Variants in RAB21 observed in about 807,000 individuals in gnomAD.
The protein encoded by RAB21 is RAB21, member RAS oncogene family.
Under a neutral mutation model 33.1 loss-of-function variants are expected in RAB21, and 13 were observed. That is an observed-to-expected ratio of 0.39 (90% CI 0.26 to 0.62). The LOEUF (loss-of-function observed/expected upper bound fraction) is 0.62, where lower values mean the gene tolerates loss of function less well. RAB21 is among the 20% of genes least tolerant of loss of function. The pLI is 0.48. For synonymous variants in RAB21, 91 were observed against 103.7 expected (o/e 0.88, Z 0.74); for missense variants, 234 against 279.1 (o/e 0.84, Z 1.15).
intron 6 of RAB21, among the ~76,000 whole-genome samples, chr12:71,784,187 C>G (rs1883245781): frequency 6.6e-6 from 1 of 152,124 alleles, no homozygotes; most frequent in African/African-American, 2.4e-5. Context: ...TAAGGACACC[C>G]TCTTTTCTTC....
intron 4 of RAB21, among the ~76,000 whole-genome samples, chr12:71,780,393 G>A (rs971371929): frequency 2.0e-5 from 3 of 152,194 alleles, no homozygotes; most frequent in African/African-American, 4.8e-5. Flanking sequence ...GTTTGTTGGA[G>A]CCACTGGCCA....
At chr12:71,763,110 C>T (rs1160385166) in intron 1 of RAB21, among the ~76,000 whole-genome samples, 1 of 150,632 alleles carries the variant, frequency 6.6e-6, no homozygotes, top group African/African-American at 2.5e-5. Flanking sequence ...CGCACACACA[C>T]ACACACACAC....
At position 71,754,989 on chromosome 12, in the gene RAB21, C is replaced by A; in HGVS notation, c.-141C>A. On this transcript the variant is annotated 5_prime_UTR_variant, in exon 1 of 7. Transcript: ENST00000261263. ...TTTCCCTCAGCCCTTCCAGGCCTCG[C>A]CCGAGGAGGGCGTGGGGACAGCGCC... is the stretch of plus-strand genomic sequence containing the variant. 1 of 812,694 alleles carries A rather than the reference C, an allele frequency of 1.2e-6. No homozygotes were observed. The highest frequency in any genetic ancestry group is 1.5e-6 in the Non-Finnish European group (1 of 668,452). The allele number at this position is 812,694 out of a possible 1,614,324, so 50.3% of individuals were successfully genotyped here.
intron 1 of RAB21, among the ~76,000 whole-genome samples, chr12:71,761,455 G>GT (rs1441602522): frequency 6.6e-6 from 1 of 152,152 alleles, no homozygotes; most frequent in East Asian, 1.9e-4. Context: ...GAGGTGGGTG[G>GT]ATCACCTGAG....
In RAB21 at chr12:71,794,423, ATATATTTTTTTTTTTTT is replaced by A. The variant is rs1883434288; in HGVS notation, c.*8752_*8768del. 1.8e-5 allele frequency: 1 copy of A among 56,590 alleles called. No individual in the cohort carries two copies. The highest frequency in any genetic ancestry group is 9.4e-5 in the African/African-American group (1 of 10,682). The allele number at this position is 56,590 out of a possible 1,614,324, so 3.5% of individuals were successfully genotyped here. A position where few individuals can be genotyped will look rare whatever the true frequency, so the allele number is the denominator to read the frequency against. On this transcript the variant is annotated 3_prime_UTR_variant, in exon 7 of 7. Coordinates refer to ENST00000261263, the MANE Select transcript of RAB21 (RefSeq NM_014999.4). ...ATATATATTATATATATATATATAT[ATATATTTTTTTTTTTTT>A]TTTTTTTTTTTTTTTTGAGACGGAG...
rs1325182307 is a variant in RAB21 at position 71,791,290 on chromosome 12, T to A, written c.*5617T>A. 2.6e-5 allele frequency: 4 copies of A among 152,164 alleles called. No individual in the cohort carries two copies. In the East Asian group the frequency reaches 7.7e-4, roughly 29 times the overall value. 9.4% of individuals were successfully genotyped at this position (152,164 alleles called of 1,614,324 possible). The stretch of plus-strand genomic sequence containing the variant: ...TACAGATGTGAGCCACTAGGCCCAG[T>A]CAGTATCATAGAATTTAAATGCAAG... On this transcript the variant is annotated 3_prime_UTR_variant, in exon 7 of 7. Coordinates refer to ENST00000261263, the MANE Select transcript of RAB21 (RefSeq NM_014999.4).
chr12:71,771,503 A>ATT (rs1883041895), intron 3 of RAB21, among the ~76,000 whole-genome samples: 1 of 152,156 alleles, frequency 6.6e-6, no homozygotes, highest in African/African-American at 2.4e-5. Context: ...GATAGAGCAG[A>ATT]TATACAAGTT....
At chr12:71,767,130 A>T (rs1882972975) in intron 1 of RAB21, among the ~76,000 whole-genome samples, 1 of 151,660 alleles carries the variant, frequency 6.6e-6, no homozygotes, top group African/African-American at 2.4e-5. Context: ...TGAATTTTTA[A>T]CTACTTACCT....
At chr12:71,764,293 T>C (rs1274231487) in intron 1 of RAB21, among the ~76,000 whole-genome samples, 1 of 151,874 alleles carries the variant, frequency 6.6e-6, no homozygotes, top group Non-Finnish European at 1.5e-5. Context: ...TAATTACTTC[T>C]CCCCCCTCAG....
intron 1 of RAB21, among the ~76,000 whole-genome samples, chr12:71,768,130 A>G (rs1414043813): frequency 6.6e-6 from 1 of 152,128 alleles, no homozygotes; most frequent in African/African-American, 2.4e-5. Context: ...TTTTATTTAC[A>G]AAATATCTTG....
intron 3 of RAB21, among the ~76,000 whole-genome samples, chr12:71,771,066 T>C (rs770162408): frequency 2.6e-5 from 4 of 152,222 alleles, no homozygotes; most frequent in African/African-American, 9.6e-5. Context: ...TCCATACGCA[T>C]TGGGCTCTTA....
At chr12:71,762,087 C>A (rs1882880762) in intron 1 of RAB21, among the ~76,000 whole-genome samples, 1 of 152,156 alleles carries the variant, frequency 6.6e-6, no homozygotes, top group Non-Finnish European at 1.5e-5. Flanking sequence ...GGTGATTTTA[C>A]TTAAGAAATG....
rs1373551355 is a variant in RAB21, at chr12:71,788,922, A to G, written c.*3249A>G. 6.6e-6 allele frequency: 1 copy of G among 152,122 alleles called. No homozygotes were observed. The allele number at this position is 152,122 out of a possible 1,614,324, so 9.4% of individuals were successfully genotyped here. On this transcript the variant is annotated 3_prime_UTR_variant, in exon 7 of 7. Transcript: ENST00000261263. ...AAAGCATTATGTTATTGTATGAAAT[A>G]TAAGTGTTCAGATTTGTTTTGTCTG...
rs188011414 is a variant in RAB21, at chr12:71,769,212, A to C, written c.160-588A>C. On this transcript the variant is annotated intron_variant, in intron 1 of 6. Coordinates refer to ENST00000261263, the MANE Select transcript of RAB21 (RefSeq NM_014999.4). ...TACTTCCTTTCTCAGTACTATCTTT[A>C]CAGTGTATTTGGCAAGACCCTCCAT... Among the ~76,000 whole-genome samples the C allele has an allele frequency of 5.8e-4, 89 of 152,278 alleles. 2 individuals carry two copies. Among genetic ancestry groups the C allele is most frequent in the Non-Finnish European group, 1.8e-4 (12 of 68,012 alleles).
rs1044121687 is a variant in RAB21, at chr12:71,796,581, A to G, written c.*10908A>G. On this transcript the variant is annotated 3_prime_UTR_variant, in exon 7 of 7. Coordinates refer to ENST00000261263, the MANE Select transcript of RAB21 (RefSeq NM_014999.4). Reference sequence around the variant, plus strand: ...CCCTGACTATAAAGTAAGACTTATTATCTTGTATAGTTTGTAGCATTTAAT... The same window carrying G: ...CCCTGACTATAAAGTAAGACTTATTGTCTTGTATAGTTTGTAGCATTTAAT... The G allele has an allele frequency of 7.3e-6, 1 of 137,356 alleles. No homozygotes were observed. The highest frequency in any genetic ancestry group is 1.5e-5 in the Non-Finnish European group (1 of 65,914). 8.5% of individuals were successfully genotyped at this position (137,356 alleles called of 1,614,324 possible).
chr12:71,758,209 G>A (rs1882815872), intron 1 of RAB21, among the ~76,000 whole-genome samples: 1 of 150,868 alleles, frequency 6.6e-6, no homozygotes, highest in East Asian at 2.0e-4. Flanking sequence ...ATTTTTGTAT[G>A]TTTAGTAGCG....
intron 4 of RAB21, among the ~76,000 whole-genome samples, chr12:71,779,587 A>G (rs1321047849): frequency 1.3e-5 from 2 of 152,226 alleles, no homozygotes; most frequent in Non-Finnish European, 2.9e-5. Context: ...TAAGCATAAT[A>G]TGATTCTAGT....
chr12:71,759,840 T>G (rs1483205124), intron 1 of RAB21, among the ~76,000 whole-genome samples: 1 of 152,212 alleles, frequency 6.6e-6, no homozygotes, highest in Non-Finnish European at 1.5e-5. Flanking sequence ...GTTTGAATTC[T>G]TACTCCCACT....
At chr12:71,772,022 T>G (rs1223943992) in intron 3 of RAB21, among the ~76,000 whole-genome samples, 1 of 151,836 alleles carries the variant, frequency 6.6e-6, no homozygotes, top group East Asian at 1.9e-4. Flanking sequence ...GGACCAGTTG[T>G]CTACTACTGT....
Sources: allele counts gnomAD v4.1 joint callset (sites outside exome capture counted in the v4.1 genomes callset), GRCh38; gene constraint gnomAD v4.1.1; transcripts MANE v1.5; gene names NCBI Gene and HGNC (gene_info 2026-07-23, HGNC 2026-07-21).